Variants in MIA3 observed in about 807,000 individuals in gnomAD.
The protein encoded by MIA3 is transport and Golgi organization protein 1 homolog.
Under a neutral mutation model 192.4 loss-of-function variants are expected in MIA3, and 90 were observed. The ratio of observed to expected loss-of-function variants is 0.47; its 90% CI spans 0.39 to 0.56. The LOEUF is 0.56. MIA3 is among the 20% of genes least tolerant of loss of function. The pLI, the probability that MIA3 is intolerant of heterozygous loss-of-function variation, is 0.00. For synonymous variants in MIA3, 740 were observed against 792.8 expected (o/e 0.93, Z 1.12); for missense variants, 2,123 against 2,269.4 (o/e 0.94, Z 1.31).
In MIA3 at chr1:222,628,437, C is replaced by G. The variant is rs541279505; in HGVS notation, c.1217C>G (p.Ser406Cys). 1.5e-5 allele frequency: 25 copies of G among 1,613,288 alleles called. No individual in the cohort carries two copies. In the South Asian group the frequency reaches 1.7e-4, roughly 11 times the overall value. The change falls in exon 4 of 28, where the codon TCT becomes TGT. Residue 406 changes from serine to cysteine, a missense_variant. Ser to Cys is a moderately radical substitution (Grantham distance 112). Coordinates refer to ENST00000344922, the MANE Select transcript of MIA3 (RefSeq NM_198551.4). ...AGAGATACGATGGATTTAGAGAGCT[C>G]TAGTTCAGAGGAAGAAAAAGAAGAT... ...ETRDTMDLES[S>C]SSEEEKEDDD...
chr1:222,664,141 AC>A lies in MIA3; in HGVS notation c.5409del (p.Phe1804LeufsTer9). On this transcript the variant is annotated frameshift_variant, in exon 27 of 28. Coordinates refer to ENST00000344922, the MANE Select transcript of MIA3 (RefSeq NM_198551.4). LOFTEE classifies it low-confidence loss of function (END_TRUNC). ...GPFGPRPLPPPFGPGMRPPLG... is the reference protein window; with the variant it reads ...GPFGPRPLPPXFGPGMRPPLG... ...CTTTTGGGCCTCGGCCACTTCCTCCACCCTTTGGTAAGATGATCTGAACAGT... is the reference window on the plus strand; with the variant it reads ...CTTTTGGGCCTCGGCCACTTCCTCCACCTTTGGTAAGATGATCTGAACAGT... The A allele has an allele frequency of 6.2e-7, 1 of 1,613,992 alleles. No homozygotes were observed. The highest frequency in any genetic ancestry group is 8.5e-7 in the Non-Finnish European group (1 of 1,179,958).
chr1:222,620,428 T>C (rs34767248), intron 1 of MIA3, among the ~76,000 whole-genome samples: 87,351 of 152,152 alleles, frequency 0.57, 27,662 homozygotes, highest in Non-Finnish European at 0.71. Flanking sequence ...TAGAAAAATA[T>C]ACATAAGGGT....
At position 222,665,442 on chromosome 1, in the gene MIA3, C is replaced by T. The variant is rs1266988322; in HGVS notation, c.5547C>T (p.Gly1849=). The T allele has an allele frequency of 6.2e-7, 1 of 1,613,922 alleles. No individual in the cohort carries two copies. Among genetic ancestry groups the T allele is most frequent in the East Asian group, 2.2e-5 (1 of 44,874 alleles). ...HAPFRPLGSL[G]PREYFIPGTR... ...CATTTAGACCTTTAGGTTCACTTGG[C>T]CCAAGAGAGTACTTTATTCCTGGTA... Residue 1849 remains glycine (G), a synonymous_variant, in exon 28 of 28, where the codon GGC becomes GGT. Transcript: ENST00000344922.
intron 8 of MIA3, chr1:222,649,914 C>T (rs979196006): frequency 1.8e-5 from 4 of 224,344 alleles, no homozygotes; most frequent in Admixed American, 1.1e-4. Flanking sequence ...GAGAGCAGGC[C>T]ATCTTACATG....
At chr1:222,660,873 C>T (rs1001832046) in intron 24 of MIA3, 2 of 152,892 alleles carry the variant, frequency 1.3e-5, no homozygotes, top group African/African-American at 4.8e-5. Flanking sequence ...AAAACTTGCA[C>T]AAGCACAGAT....
rs1379824653 is a variant in MIA3, at chr1:222,658,706, A to G, written c.4608-16A>G. ...GAAAAGAGAAACACTTTCATTGACA[A>G]CCAGTTTTATCTTAGGAAACTGAGT... is the stretch of plus-strand genomic sequence containing the variant. On this transcript the variant is annotated splice_polypyrimidine_tract_variant and intron_variant, in intron 18 of 27. Transcript: ENST00000344922. 1.5e-5 allele frequency: 23 copies of G among 1,575,624 alleles called. No homozygotes were observed. Among genetic ancestry groups the G allele is most frequent in the Admixed American group, 1.8e-5 (1 of 54,358 alleles).
Position 222,660,168 on chromosome 1 carries a change from C to T in MIA3, c.4976-9C>T. On this transcript the variant is annotated splice_polypyrimidine_tract_variant and intron_variant, in intron 23 of 27. Transcript: ENST00000344922. ...TCTTAAAATGCTAACAAGATGCTGTCATCTTTAGGTCCTCTGAGCCAGAAT... is the reference window on the plus strand; with the variant it reads ...TCTTAAAATGCTAACAAGATGCTGTTATCTTTAGGTCCTCTGAGCCAGAAT... 1 of 1,607,838 alleles carries T rather than the reference C, an allele frequency of 6.2e-7. No homozygotes were observed. Among genetic ancestry groups the T allele is most frequent in the Non-Finnish European group, 8.5e-7 (1 of 1,178,230 alleles).
At chr1:222,643,581 A>G (rs894547115) in intron 6 of MIA3, among the ~76,000 whole-genome samples, 1 of 152,102 alleles carries the variant, frequency 6.6e-6, no homozygotes, top group Non-Finnish European at 1.5e-5. Context: ...TTTTCCCCAC[A>G]GATTAAATGT....
At position 222,628,472 on chromosome 1, in the gene MIA3, G is replaced by A. The variant is rs1662227007; in HGVS notation, c.1252G>A (p.Ala418Thr). 6.2e-7 allele frequency: 1 copy of A among 1,612,878 alleles called. No individual in the cohort carries two copies. Residue 418 changes from alanine (A) to threonine (T), a missense_variant, in exon 4 of 28, where the codon GCA becomes ACA. By Grantham distance (58) the Ala-to-Thr change is moderately conservative (BLOSUM62 0). Transcript: ENST00000344922. ...GGAAGAAAAAGAAGATGATGATGAT[G>A]CATTAGTCCCAGATAGCAAACAGGG... is the stretch of plus-strand genomic sequence containing the variant. ...SEEEKEDDDD[A>T]LVPDSKQGKP...
In MIA3 at chr1:222,654,413, G is replaced by T; in HGVS notation, c.4402G>T (p.Glu1468Ter). The part of the protein sequence containing the change: ...SRTQTAISVV[E>*]EDLKLLQLKL... ...GACACAGACTGCAATATCGGTAGTT[G>T]AAGAGGATCTAAAGCTTTTACAGCT... The change falls in exon 17 of 28, where the codon GAA becomes TAA. Residue 1468 changes from glutamate (E) to a stop codon, truncating the protein, a stop_gained. Transcript: ENST00000344922. LOFTEE classifies it high-confidence loss of function. The T allele has an allele frequency of 6.2e-7, 1 of 1,613,818 alleles. No individual in the cohort carries two copies. The highest frequency in any genetic ancestry group is 8.5e-7 in the Non-Finnish European group (1 of 1,179,932).
intron 19 of MIA3, chr1:222,659,221 C>G: frequency 1.9e-6 from 1 of 518,012 alleles, no homozygotes; most frequent in Non-Finnish European, 3.4e-6. Flanking sequence ...TATTTAGGAA[C>G]AGTTAAAGGA....
In MIA3 at chr1:222,630,318, C is replaced by G; in HGVS notation, c.3098C>G (p.Ser1033Cys). 3 of 1,614,142 alleles carry G rather than the reference C, an allele frequency of 1.9e-6. No individual in the cohort carries two copies. Among genetic ancestry groups the G allele is most frequent in the Non-Finnish European group, 2.5e-6 (3 of 1,180,010 alleles). Residue 1033 changes from serine to cysteine, a missense_variant, in exon 4 of 28, where the codon TCC becomes TGC. This residue lies in a region of MIA3 where 1,357 missense variants were observed against 1,396.1 expected (regional missense o/e 0.97). Transcript: ENST00000344922. ...ATCTATTTTGTCAGGTACAAGCACT[C>G]CACAGCAGAGGAGACAGCCACACTG... ...DLIYFVRYKH[S>C]TAEETATLVM...
At position 222,654,691 on chromosome 1, in the gene MIA3, T is replaced by G; in HGVS notation, c.4505T>G (p.Leu1502Arg). Residue 1502 changes from leucine (L) to arginine (R), a missense_variant, in exon 18 of 28, where the codon CTA (leucine) becomes CGA (arginine). Around this residue, in one of 3 missense-constraint regions of MIA3, gnomAD observed 762 missense variants for 856.4 expected, o/e 0.89. Transcript: ENST00000344922. ...AAATTGGAAGATGACCGCAACTCAC[T>G]ACAAGCTGCCAAAGCTGGACTGGAA... ...VKKLEDDRNS[L>R]QAAKAGLEDE... is the part of the protein sequence containing the mutation. 1 of 1,614,110 alleles carries G rather than the reference T, an allele frequency of 6.2e-7. No homozygotes were observed. Among genetic ancestry groups the G allele is most frequent in the Admixed American group, 1.7e-5 (1 of 60,022 alleles).
chr1:222,664,015 A>AGGGCCCCC lies in MIA3; in HGVS notation c.5281_5288dup (p.Pro1764GlyfsTer11). The AGGGCCCCC allele has an allele frequency of 6.2e-7, 1 of 1,613,452 alleles. No homozygotes were observed. Among genetic ancestry groups the AGGGCCCCC allele is most frequent in the Non-Finnish European group, 8.5e-7 (1 of 1,179,668 alleles). Reference sequence around the variant, plus strand: ...CTCTGCAGGTTAATATGGCTCCAAAAGGGCCCCCTCCTTTCCCAGGAGTCC... The same window carrying AGGGCCCCC: ...CTCTGCAGGTTAATATGGCTCCAAAAGGGCCCCCGGGCCCCCTCCTTTCCCAGGAGTCC... On this transcript the variant is annotated frameshift_variant, in exon 27 of 28. Transcript: ENST00000344922. LOFTEE classifies it high-confidence loss of function.
chr1:222,647,953 A>C (rs1204846523), intron 7 of MIA3: 5 of 364,082 alleles, frequency 1.4e-5, no homozygotes, highest in Non-Finnish European at 2.3e-5. Flanking sequence ...ACAGTATATT[A>C]TGTAAACAGT....
intron 11 of MIA3, among the ~76,000 whole-genome samples, 172 bp from the exon 12 acceptor site, chr1:222,651,805 C>T (rs1663451105): frequency 6.6e-6 from 1 of 152,100 alleles, no homozygotes; most frequent in Non-Finnish European, 1.5e-5. Context: ...TTTCCCTTAC[C>T]TCTTTAAGTT....
chr1:222,647,651 A>G (rs1198611016), intron 7 of MIA3, among the ~76,000 whole-genome samples: 1 of 152,178 alleles, frequency 6.6e-6, no homozygotes, highest in Non-Finnish European at 1.5e-5. Flanking sequence ...CTATTTGTTA[A>G]TAAAAAAATT....
intron 6 of MIA3, among the ~76,000 whole-genome samples, chr1:222,634,441 A>G (rs1662543962): frequency 6.6e-6 from 1 of 152,206 alleles, no homozygotes; most frequent in African/African-American, 2.4e-5. Flanking sequence ...GTTGGCAGAG[A>G]TCCTTGGAAG....
intron 1 of MIA3, among the ~76,000 whole-genome samples, chr1:222,618,597 C>G (rs150404756): frequency 2.6e-5 from 4 of 152,336 alleles, no homozygotes; most frequent in South Asian, 2.1e-4. Context: ...TCCCACCCCC[C>G]CAATCCGCCT....
Sources: gnomAD v4.1 joint callset for allele counts (sites outside exome capture counted in the v4.1 genomes callset) on GRCh38, gnomAD v4.1.1 for gene constraint, gnomAD v4.1.1 regional missense constraint, MANE v1.5 for transcripts, NCBI Gene and HGNC (gene_info 2026-07-23, HGNC 2026-07-21) for gene names.